The following MARCHF1 variants were observed in gnomAD, a reference collection of about 807,000 sequenced individuals.
The protein encoded by MARCHF1 is membrane associated ring-CH-type finger 1, also known as E3 ubiquitin-protein ligase MARCHF1.
A neutral mutation model predicts 54.2 loss-of-function variants in MARCHF1; 40 were observed. That is an observed-to-expected ratio of 0.74 (90% CI 0.57 to 0.96). The LOEUF (loss-of-function observed/expected upper bound fraction) is 0.96. Among genes scored for constraint, MARCHF1 ranks in the 40% least tolerant of loss-of-function variants. The pLI is 0.00. For synonymous variants in MARCHF1, 236 were observed against 236.3 expected, an observed-to-expected ratio of 1.00 and a Z score of 0.01; for missense variants, 586 against 656.5, an observed-to-expected ratio of 0.89 and a Z score of 1.17.
At chr4:163,711,403 T>C (rs78726149) in intron 4 of MARCHF1, among the ~76,000 whole-genome samples, 3 of 152,180 alleles carry the variant, frequency 2.0e-5, no homozygotes, top group Non-Finnish European at 4.4e-5. Flanking sequence ...GCTAGGTGTA[T>C]CTTCCACCAG....
At chr4:164,223,604 G>C (rs1484334620) in intron 1 of MARCHF1, among the ~76,000 whole-genome samples, 2 of 151,874 alleles carry the variant, frequency 1.3e-5, no homozygotes, top group Non-Finnish European at 2.9e-5. Context: ...TTGGCAGATA[G>C]GTTCTCATTT....
intron 1 of MARCHF1, among the ~76,000 whole-genome samples, chr4:164,323,719 G>A (rs537231610): frequency 3.8e-4 from 58 of 150,658 alleles, no homozygotes; most frequent in Non-Finnish European, 6.7e-4. Flanking sequence ...TTGAAATTAC[G>A]GCAGTAAATT....
chr4:164,083,771 T>C (rs1755145095), intron 2 of MARCHF1, among the ~76,000 whole-genome samples: 1 of 152,046 alleles, frequency 6.6e-6, no homozygotes, highest in African/African-American at 2.4e-5. Context: ...TTCAAAAACC[T>C]GATTCCACAC....
At chr4:164,143,047 C>T (rs1438613170) in intron 1 of MARCHF1, among the ~76,000 whole-genome samples, 5 of 146,214 alleles carry the variant, frequency 3.4e-5, no homozygotes, top group Non-Finnish European at 7.6e-5. Context: ...GGAGCTGATG[C>T]GATCAACTGG....
intron 2 of MARCHF1, among the ~76,000 whole-genome samples, chr4:164,075,595 C>T (rs901325704): frequency 1.3e-5 from 2 of 152,132 alleles, no homozygotes; most frequent in Non-Finnish European, 2.9e-5. Context: ...GTACTGTGGT[C>T]GTTTGTTACA....
intron 3 of MARCHF1, among the ~76,000 whole-genome samples, chr4:163,898,881 TG>T (rs1281170037): frequency 6.6e-6 from 1 of 151,952 alleles, no homozygotes; most frequent in Non-Finnish European, 1.5e-5. Flanking sequence ...TCATGTTCTT[TG>T]CAGCAATATA....
chr4:163,828,560 T>A (rs2111084215), intron 4 of MARCHF1, among the ~76,000 whole-genome samples: 1 of 152,230 alleles, frequency 6.6e-6, no homozygotes, highest in South Asian at 2.1e-4. Context: ...AAGTAAGTCA[T>A]ACTGATACCA....
intron 7 of MARCHF1, 109 bp downstream of exon 7, chr4:163,612,162 C>A: frequency 1.1e-6 from 1 of 935,416 alleles, no homozygotes; most frequent in South Asian, 2.4e-5. Flanking sequence ...AGAAAAAGAA[C>A]AATGTAAATA....
intron 3 of MARCHF1, among the ~76,000 whole-genome samples, chr4:163,918,041 A>T (rs1175784454): frequency 6.6e-6 from 1 of 151,966 alleles, no homozygotes; most frequent in African/African-American, 2.4e-5. Flanking sequence ...TACAATTAAG[A>T]CTTTAATCCA....
At chr4:164,296,457 C>T (rs952996001) in intron 1 of MARCHF1, among the ~76,000 whole-genome samples, 2 of 152,178 alleles carry the variant, frequency 1.3e-5, no homozygotes, top group African/African-American at 4.8e-5. Flanking sequence ...ACTGCAACCT[C>T]CACCTCCCAG....
intron 3 of MARCHF1, among the ~76,000 whole-genome samples, chr4:163,884,767 C>T (rs1315498237): frequency 2.6e-5 from 4 of 152,080 alleles, no homozygotes; most frequent in African/African-American, 9.7e-5. Flanking sequence ...GGAGGCAGCC[C>T]AAGCCAGAGA....
At chr4:163,869,849 G>T (rs1750133098) in intron 3 of MARCHF1, among the ~76,000 whole-genome samples, 1 of 151,968 alleles carries the variant, frequency 6.6e-6, no homozygotes, top group Non-Finnish European at 1.5e-5. Flanking sequence ...ACACTCTCTT[G>T]TCGTTAATAT....
At chr4:163,809,059 T>C (rs114333182) in intron 4 of MARCHF1, among the ~76,000 whole-genome samples, 3 of 152,230 alleles carry the variant, frequency 2.0e-5, no homozygotes, top group Non-Finnish European at 4.4e-5. Flanking sequence ...ACCGCTTGCA[T>C]CTTTGCAATT....
intron 1 of MARCHF1, among the ~76,000 whole-genome samples, chr4:164,371,664 A>G (rs569317678): frequency 3.9e-5 from 6 of 152,218 alleles, no homozygotes; most frequent in Non-Finnish European, 5.9e-5. Flanking sequence ...ATGAGGGAAA[A>G]CAATCAATAA....
intron 2 of MARCHF1, among the ~76,000 whole-genome samples, chr4:164,040,413 T>C (rs1329696090): frequency 4.2e-5 from 6 of 144,448 alleles, no homozygotes; most frequent in Non-Finnish European, 9.1e-5. Context: ...TATATACTTA[T>C]ATATCCTTGT....
intron 3 of MARCHF1, among the ~76,000 whole-genome samples, chr4:163,858,929 C>CTGCA (rs1749843816): frequency 6.6e-6 from 1 of 152,136 alleles, no homozygotes; most frequent in Non-Finnish European, 1.5e-5. Context: ...TTGCTGTGTA[C>CTGCA]TGCAGATGTG....
intron 2 of MARCHF1, among the ~76,000 whole-genome samples, chr4:164,104,012 T>C (rs1487191441): frequency 6.6e-6 from 1 of 151,334 alleles, no homozygotes; most frequent in Non-Finnish European, 1.5e-5. Flanking sequence ...CTAGAAAATC[T>C]AGAAGAAATG....
At chr4:164,291,183 T>C (rs1249067322) in intron 1 of MARCHF1, among the ~76,000 whole-genome samples, 1 of 152,022 alleles carries the variant, frequency 6.6e-6, no homozygotes, top group African/African-American at 2.4e-5. Flanking sequence ...ACAGTTTTTC[T>C]ATCCTGATTT....
At chr4:163,858,100 G>A (rs1023422280) in intron 3 of MARCHF1, among the ~76,000 whole-genome samples, 2 of 86,104 alleles carry the variant, frequency 2.3e-5, no homozygotes, top group Non-Finnish European at 4.7e-5. Context: ...ACTCCGGGGG[G>A]TGGGGGGGGG....
Sources: allele counts gnomAD v4.1 joint callset (sites outside exome capture counted in the v4.1 genomes callset), GRCh38; gene constraint gnomAD v4.1.1; transcripts MANE v1.5; gene names NCBI Gene and HGNC (gene_info 2026-07-23, HGNC 2026-07-21).